Variants in ALG14 observed in about 807,000 individuals in gnomAD.
ALG14 encodes UDP-N-acetylglucosamine transferase subunit ALG14.
ALG14 carries 17 observed loss-of-function variants against 22.8 expected under a neutral mutation model. The observed-to-expected ratio is 0.75, with a 90% confidence interval of 0.51 to 1.12. The LOEUF (loss-of-function observed/expected upper bound fraction) is 1.12. Among genes scored for constraint, ALG14 ranks in the 50% most tolerant of loss-of-function variants. The pLI is 0.00. For synonymous variants in ALG14, 89 were observed against 103.7 expected (o/e 0.86, Z 0.86); for missense variants, 288 against 271.8 (o/e 1.06, Z -0.42).
chr1:95,032,866 TAA>T (rs984609290), intron 2 of ALG14, among the ~76,000 whole-genome samples: 3 of 152,180 alleles, frequency 2.0e-5, no homozygotes, highest in Admixed American at 6.5e-5. Flanking sequence ...GGCAAAATCT[TAA>T]GAGAGTTTTT....
rs11806563 is a variant in ALG14, at chr1:94,987,750, C to G, written c.421-4444G>C. The stretch of plus-strand genomic sequence containing the variant: ...GAATTTGACTCCTGATCCAGTAAAA[C>G]ACCCCCGCCAAATATGGGCTAAGAA... On this transcript the variant is annotated intron_variant, in intron 3 of 3. Coordinates refer to ENST00000370205, the MANE Select transcript of ALG14 (RefSeq NM_144988.4). Among the ~76,000 whole-genome samples, 679 of 152,290 alleles carry G rather than the reference C, an allele frequency of 4.5e-3. 8 individuals carry two copies. Among genetic ancestry groups the G allele is most frequent in the African/African-American group, 0.016 (646 of 41,554 alleles).
At chr1:95,030,871 G>A (rs1021789138) in intron 2 of ALG14, among the ~76,000 whole-genome samples, 5 of 152,150 alleles carry the variant, frequency 3.3e-5, no homozygotes, top group African/African-American at 1.2e-4. Flanking sequence ...AGAAACTAGT[G>A]CAAGCATGTT....
At chr1:95,027,107 C>G in intron 3 of ALG14, 22 bp downstream of exon 3, 1 of 1,613,404 alleles carries the variant, frequency 6.2e-7, no homozygotes, top group Non-Finnish European at 8.5e-7. Flanking sequence ...CTTTCTCTCT[C>G]CTTAGTGATG....
chr1:95,059,613 T>C (rs990333757), intron 2 of ALG14, among the ~76,000 whole-genome samples: 3 of 151,942 alleles, frequency 2.0e-5, no homozygotes, highest in African/African-American at 7.2e-5. Flanking sequence ...CTTCACAATA[T>C]CTAATCATAT....
chr1:95,055,143 T>A (rs1219462942), intron 2 of ALG14, among the ~76,000 whole-genome samples: 1 of 152,184 alleles, frequency 6.6e-6, no homozygotes, highest in Non-Finnish European at 1.5e-5. Flanking sequence ...TCAGAAAGAA[T>A]ACAAGGATGT....
rs913495532 is a variant in ALG14 at position 94,978,981 on chromosome 1, ATAT to A, written c.*4092_*4094del. On this transcript the variant is annotated 3_prime_UTR_variant, in exon 4 of 4. Coordinates refer to ENST00000370205, the MANE Select transcript of ALG14 (RefSeq NM_144988.4). Reference sequence around the variant, plus strand: ...ATTACTTAACCTCTCTGTGGTGTAAATATTATAAAAAGTGGAACAAGGGCCGGA... The same window carrying A: ...ATTACTTAACCTCTCTGTGGTGTAAATATAAAAAGTGGAACAAGGGCCGGA... 11 of 152,188 alleles carry A rather than the reference ATAT, an allele frequency of 7.2e-5. No individual in the cohort carries two copies. Among genetic ancestry groups the A allele is most frequent in the African/African-American group, 2.6e-4 (11 of 41,534 alleles). 9.4% of individuals were successfully genotyped at this position (152,188 alleles called of 1,614,324 possible).
intron 2 of ALG14, among the ~76,000 whole-genome samples, chr1:95,056,829 C>A (rs183484469): frequency 6.6e-6 from 1 of 151,532 alleles, no homozygotes; most frequent in Non-Finnish European, 1.5e-5. Context: ...GAGGCCAAGG[C>A]GGGCGGATCA....
intron 2 of ALG14, among the ~76,000 whole-genome samples, chr1:95,035,513 G>A (rs1470390148): frequency 6.6e-6 from 1 of 152,180 alleles, no homozygotes; most frequent in South Asian, 2.1e-4. Context: ...GGTGGCAAGA[G>A]AGACAAGAAA....
chr1:95,009,971 T>G (rs75837381), intron 3 of ALG14, among the ~76,000 whole-genome samples: 7,251 of 152,312 alleles, frequency 0.048, 198 homozygotes, highest in Middle Eastern at 0.088. Context: ...AGAGGAATTA[T>G]AGTTTCTAGA....
intron 1 of ALG14, among the ~76,000 whole-genome samples, chr1:95,070,181 A>G (rs1423460563): frequency 2.0e-5 from 3 of 152,198 alleles, no homozygotes; most frequent in African/African-American, 4.8e-5. Flanking sequence ...AAAAATCTAG[A>G]CAGGCCTTGC....
At chr1:94,995,470 C>T (rs960234900) in intron 3 of ALG14, among the ~76,000 whole-genome samples, 8 of 152,224 alleles carry the variant, frequency 5.3e-5, no homozygotes, top group East Asian at 3.9e-4. Flanking sequence ...CCCAGCACTT[C>T]GGGAGGCCGA....
intron 3 of ALG14, among the ~76,000 whole-genome samples, chr1:95,008,941 T>A (rs1230692917): frequency 6.6e-6 from 1 of 152,168 alleles, no homozygotes; most frequent in African/African-American, 2.4e-5. Flanking sequence ...TTGTGCTGGC[T>A]TATTACCATG....
At chr1:95,008,656 T>A (rs1019036344) in intron 3 of ALG14, among the ~76,000 whole-genome samples, 3 of 152,216 alleles carry the variant, frequency 2.0e-5, no homozygotes, top group Non-Finnish European at 4.4e-5. Flanking sequence ...TAAGGATTTT[T>A]AAAAATTGTG....
intron 3 of ALG14, among the ~76,000 whole-genome samples, chr1:94,984,411 A>G (rs183486177): frequency 6.6e-6 from 1 of 152,300 alleles, no homozygotes; most frequent in Admixed American, 6.5e-5. Flanking sequence ...TCTTGCCTCC[A>G]TGTGAACATG....
At chr1:95,041,378 C>G (rs1674373064) in intron 2 of ALG14, 1 of 152,042 alleles carries the variant, frequency 6.6e-6, no homozygotes, top group South Asian at 2.1e-4. Context: ...ACAAACATTT[C>G]TTTCAGAACT....
chr1:95,057,163 T>C (rs1674964050), intron 2 of ALG14, among the ~76,000 whole-genome samples: 1 of 150,710 alleles, frequency 6.6e-6, no homozygotes, highest in Admixed American at 6.6e-5. Context: ...AATATATATA[T>C]ACATACACAT....
rs372801574 is a variant in ALG14 at position 94,983,295 on chromosome 1, G to A, written c.432C>T (p.Asn144=). Residue 144 remains asparagine (N), a synonymous_variant, in exon 4 of 4, where the codon AAC becomes AAT. Transcript: ENST00000370205. ...HRVKPDLVLC[N]GPGTCVPICV... ...AGATAGGAACACATGTTCCTGGTCC[G>A]TTACACAACACCTGAAAGAAAAAGT... is the stretch of plus-strand genomic sequence containing the variant. 23 of 1,613,452 alleles carry A rather than the reference G, an allele frequency of 1.4e-5. No homozygotes were observed. Among genetic ancestry groups the A allele is most frequent in the East Asian group, 1.3e-4 (6 of 44,864 alleles).
chr1:94,987,006 C>A (rs886950380), intron 3 of ALG14, among the ~76,000 whole-genome samples: 3 of 152,110 alleles, frequency 2.0e-5, no homozygotes, highest in Non-Finnish European at 4.4e-5. Context: ...TAGCAGAACA[C>A]TTGCTGGAGC....
intron 3 of ALG14, among the ~76,000 whole-genome samples, chr1:95,010,372 G>C (rs1265394470): frequency 6.6e-6 from 1 of 152,198 alleles, no homozygotes; most frequent in African/African-American, 2.4e-5. Context: ...TGCAGCTGAA[G>C]TTTGACTCAT....
Sources: allele counts gnomAD v4.1 joint callset (sites outside exome capture counted in the v4.1 genomes callset), GRCh38; gene constraint gnomAD v4.1.1; transcripts MANE v1.5; gene names NCBI Gene and HGNC (gene_info 2026-07-23, HGNC 2026-07-21).